Variants in NRXN1 observed in about 807,000 individuals in gnomAD.
NRXN1 encodes the protein neurexin 1.
A neutral mutation model predicts 150.9 loss-of-function variants in NRXN1; 39 were observed. That is an observed-to-expected ratio of 0.26 (90% confidence interval 0.20 to 0.34). The LOEUF (loss-of-function observed/expected upper bound fraction) is 0.34. Among genes scored for constraint, NRXN1 ranks in the 10% least tolerant of loss-of-function variants. The pLI, the probability that NRXN1 is intolerant of heterozygous loss-of-function variation, is 1.00. For missense variants in NRXN1, 1,815 were observed against 1,949.9 expected, an observed-to-expected ratio of 0.93 and a Z score of 1.30; for synonymous variants, 924 against 757.0, an observed-to-expected ratio of 1.22 and a Z score of -3.62.
chr2:50,361,752 G>A (rs1572682237), intron 17 of NRXN1, among the ~76,000 whole-genome samples: 1 of 152,118 alleles, frequency 6.6e-6, no homozygotes, highest in African/African-American at 2.4e-5. Flanking sequence ...CATTTTATGA[G>A]GCCAGCATCA....
At chr2:50,274,944 G>T (rs2070241826) in intron 17 of NRXN1, among the ~76,000 whole-genome samples, 3 of 152,222 alleles carry the variant, frequency 2.0e-5, no homozygotes, top group Middle Eastern at 6.8e-3. Context: ...TAGAAGTGTG[G>T]CATGTGTTAC....
chr2:50,223,361 C>T (rs2064065926), intron 18 of NRXN1, among the ~76,000 whole-genome samples: 1 of 151,922 alleles, frequency 6.6e-6, no homozygotes, highest in Non-Finnish European at 1.5e-5. Flanking sequence ...TGCATTTATC[C>T]AACACCCTTC....
chr2:50,955,417 T>G (rs1692122345), intron 2 of NRXN1, among the ~76,000 whole-genome samples: 1 of 152,318 alleles, frequency 6.6e-6, no homozygotes, highest in African/African-American at 2.4e-5. Flanking sequence ...AATGATCCAT[T>G]TAGCCATCAT....
chr2:50,882,055 A>G (rs149443493), intron 5 of NRXN1, among the ~76,000 whole-genome samples: 1 of 152,058 alleles, frequency 6.6e-6, no homozygotes, highest in African/African-American at 2.4e-5. Context: ...TCAATAAAAC[A>G]ACCACTAAAA....
At chr2:50,328,480 T>C (rs1341379788) in intron 17 of NRXN1, among the ~76,000 whole-genome samples, 3 of 152,122 alleles carry the variant, frequency 2.0e-5, no homozygotes, top group African/African-American at 7.2e-5. Context: ...CTCACACCTA[T>C]AATCCCAGCA....
intron 8 of NRXN1, among the ~76,000 whole-genome samples, chr2:50,603,296 T>A (rs1676572297): frequency 6.6e-6 from 1 of 152,114 alleles, no homozygotes; most frequent in African/African-American, 2.4e-5. Context: ...TGGAAACCTG[T>A]AAAACTTAAT....
chr2:50,316,520 A>C (rs369932110), intron 17 of NRXN1, among the ~76,000 whole-genome samples: 260 of 152,234 alleles, frequency 1.7e-3, no homozygotes, highest in African/African-American at 5.5e-3. Flanking sequence ...AAATTGGATT[A>C]AGCAATCTGT....
intron 18 of NRXN1, among the ~76,000 whole-genome samples, chr2:50,165,629 G>A (rs1368619173): frequency 2.0e-5 from 3 of 152,094 alleles, no homozygotes; most frequent in Non-Finnish European, 4.4e-5. Context: ...GATTACAGGC[G>A]TGAGCCACCC....
chr2:50,284,887 C>G (rs1181917754), intron 17 of NRXN1, among the ~76,000 whole-genome samples: 1 of 151,976 alleles, frequency 6.6e-6, no homozygotes, highest in Non-Finnish European at 1.5e-5. Context: ...TATAACAAAA[C>G]CATTTTACCA....
chr2:50,993,310 T>C (rs993933862), intron 2 of NRXN1, among the ~76,000 whole-genome samples: 4 of 151,976 alleles, frequency 2.6e-5, no homozygotes, highest in African/African-American at 9.7e-5. Flanking sequence ...CACATTTATA[T>C]AGTTAGCCTA....
At chr2:50,822,429 T>C (rs192959166) in intron 5 of NRXN1, among the ~76,000 whole-genome samples, 8 of 152,126 alleles carry the variant, frequency 5.3e-5, no homozygotes, top group African/African-American at 1.9e-4. Flanking sequence ...ATAAGGAAAG[T>C]CTTAAAAATA....
At chr2:50,315,110 C>A (rs186826193) in intron 17 of NRXN1, among the ~76,000 whole-genome samples, 1 of 151,944 alleles carries the variant, frequency 6.6e-6, no homozygotes, top group Non-Finnish European at 1.5e-5. Flanking sequence ...AAAGCCATAA[C>A]GACCACAATA....
At chr2:50,222,412 A>T (rs940844969) in intron 18 of NRXN1, among the ~76,000 whole-genome samples, 4 of 152,006 alleles carry the variant, frequency 2.6e-5, no homozygotes, top group African/African-American at 4.8e-5. Context: ...ATTTGCTTTT[A>T]TATGAAAACA....
intron 2 of NRXN1, among the ~76,000 whole-genome samples, chr2:50,992,247 T>C (rs1405699062): frequency 6.6e-6 from 1 of 152,018 alleles, no homozygotes; most frequent in African/African-American, 2.4e-5. Flanking sequence ...ATTCCTTAAC[T>C]AGTAAAGTAG....
At chr2:50,765,653 A>G (rs949704955) in intron 5 of NRXN1, among the ~76,000 whole-genome samples, 5 of 152,112 alleles carry the variant, frequency 3.3e-5, no homozygotes, top group African/African-American at 1.2e-4. Flanking sequence ...AACATAGTCA[A>G]TTTGAAAATA....
At chr2:50,481,932 ATT>A (rs1243090836) in intron 15 of NRXN1, among the ~76,000 whole-genome samples, 7 of 142,322 alleles carry the variant, frequency 4.9e-5, no homozygotes, top group Admixed American at 1.4e-4. Flanking sequence ...CGCCCGGCTA[ATT>A]TTTTTTTGTA....
intron 5 of NRXN1, among the ~76,000 whole-genome samples, chr2:50,743,600 G>C (rs146975893): frequency 8.3e-4 from 126 of 152,248 alleles, no homozygotes; most frequent in African/African-American, 2.9e-3. Flanking sequence ...CAGATGAAAA[G>C]AAAATGGAAT....
rs964540354 is a variant in NRXN1 at position 49,920,959 on chromosome 2, T to G, written c.*985A>C. ...CTTAGAATAAACACTACACTGTAAT[T>G]TCTTTAAAAAATAAAAGTAATTGTG... On this transcript the variant is annotated 3_prime_UTR_variant, in exon 23 of 23. Transcript: ENST00000401669. The G allele has an allele frequency of 8.0e-6, 1 of 125,578 alleles. No individual in the cohort carries two copies. Among genetic ancestry groups the G allele is most frequent in the African/African-American group, 3.0e-5 (1 of 33,474 alleles). The allele number at this position is 125,578 out of a possible 1,614,324, so 7.8% of individuals were successfully genotyped here. A position where few individuals can be genotyped will look rare whatever the true frequency, so the allele number is the denominator to read the frequency against.
At chr2:51,012,711 G>T (rs1668076595) in intron 2 of NRXN1, among the ~76,000 whole-genome samples, 1 of 151,964 alleles carries the variant, frequency 6.6e-6, no homozygotes, top group Non-Finnish European at 1.5e-5. Flanking sequence ...TGTGGTTCAG[G>T]AATTATGAAT....
Sources: allele counts gnomAD v4.1 joint callset (sites outside exome capture counted in the v4.1 genomes callset), GRCh38; gene constraint gnomAD v4.1.1; transcripts MANE v1.5; gene names NCBI Gene and HGNC (gene_info 2026-07-23, HGNC 2026-07-21).